The following PNPLA1 variants were observed in gnomAD, a reference collection of about 807,000 sequenced individuals.
PNPLA1 encodes the protein omega-hydroxyceramide transacylase.
In PNPLA1, 36 loss-of-function variants were observed where a neutral mutation model predicts 51.7. The ratio of observed to expected loss-of-function variants is 0.70; its 90% CI spans 0.53 to 0.92. PNPLA1 has a LOEUF of 0.92. PNPLA1 is among the 40% of genes least tolerant of loss of function. The pLI, the probability that PNPLA1 is intolerant of heterozygous loss-of-function variation, is 0.00. For synonymous variants in PNPLA1, 293 were observed against 280.1 expected (o/e 1.05, Z -0.46); for missense variants, 658 against 682.5 (o/e 0.96, Z 0.40).
intron 2 of PNPLA1, 45 bp downstream of exon 2, chr6:36,291,597 G>GGGGGGGGGGGGGGGGGGGGGC: frequency 1.9e-6 from 1 of 532,586 alleles, no homozygotes; most frequent in East Asian, 5.3e-5. Context: ...GGGGGCGGGG[G>GGGGGGGGGGGGGGGGGGGGGC]AGGGCGGCTC....
intron 1 of PNPLA1, among the ~76,000 whole-genome samples, chr6:36,285,483 C>T (rs1770460142): frequency 6.6e-6 from 1 of 152,182 alleles, no homozygotes; most frequent in African/African-American, 2.4e-5. Flanking sequence ...CCCAACTGCC[C>T]GCCTTTCTAT....
chr6:36,255,696 A>G (rs1769518441), intron 1 of PNPLA1, among the ~76,000 whole-genome samples: 2 of 152,220 alleles, frequency 1.3e-5, no homozygotes, highest in South Asian at 4.1e-4. Context: ...TAAAAAAAAA[A>G]AAAAATCTAA....
chr6:36,250,436 C>G (rs749643277), intron 1 of PNPLA1, among the ~76,000 whole-genome samples: 7 of 152,178 alleles, frequency 4.6e-5, no homozygotes, highest in Non-Finnish European at 8.8e-5. Flanking sequence ...AGCAGAGAAA[C>G]CAACCCCAGC....
At chr6:36,269,159 C>T (rs978401823), upstream of PNPLA1, among the ~76,000 whole-genome samples, 1 of 152,298 alleles carries the variant, frequency 6.6e-6, no homozygotes, top group South Asian at 2.1e-4. Flanking sequence ...TCCCCAGAAG[C>T]GGGGAAGCCA....
intron 1 of PNPLA1, among the ~76,000 whole-genome samples, chr6:36,278,576 A>G (rs1770182356): frequency 1.3e-5 from 2 of 152,162 alleles, no homozygotes; most frequent in Non-Finnish European, 2.9e-5. Flanking sequence ...TGGGGAGGAA[A>G]AGCAGGGGAC....
intron 1 of PNPLA1, among the ~76,000 whole-genome samples, chr6:36,273,457 G>A (rs7772573): frequency 0.44 from 66,421 of 151,156 alleles, 15,625 homozygotes; most frequent in African/African-American, 0.61. Flanking sequence ...CAGAATGGGG[G>A]TAGGGTGACA....
intron 1 of PNPLA1, among the ~76,000 whole-genome samples, chr6:36,285,150 T>C (rs1291545924): frequency 1.3e-5 from 2 of 152,174 alleles, no homozygotes; most frequent in Non-Finnish European, 2.9e-5. Context: ...AAATGCAGAT[T>C]ACAATTCAGT....
At chr6:36,246,535 A>G (rs1769288555) in intron 1 of PNPLA1, among the ~76,000 whole-genome samples, 1 of 152,084 alleles carries the variant, frequency 6.6e-6, no homozygotes, top group Non-Finnish European at 1.5e-5. Flanking sequence ...CTATCAATCA[A>G]TTACATTAGT....
At chr6:36,255,474 C>T (rs1477756705) in intron 1 of PNPLA1, among the ~76,000 whole-genome samples, 1 of 152,168 alleles carries the variant, frequency 6.6e-6, no homozygotes, top group South Asian at 2.1e-4. Flanking sequence ...CATTGCACTC[C>T]AGCCTGGGCA....
rs1344860764 is a variant in PNPLA1 at position 36,258,925 on chromosome 6, C to T, written c.-81+15664C>T. 2.0e-5 allele frequency among the ~76,000 whole-genome samples: 3 copies of T among 152,254 alleles called. No individual in the cohort carries two copies. In the East Asian group the frequency reaches 5.8e-4, roughly 29 times the overall value. Reference sequence around the variant, plus strand: ...TTATTTGATTTAGAAGTCCTTTATCCACAGAGATTTGTCAGGACTGGTCTG... The same window carrying T: ...TTATTTGATTTAGAAGTCCTTTATCTACAGAGATTTGTCAGGACTGGTCTG... On this transcript the variant is annotated intron_variant, in intron 1 of 7. Coordinates refer to the PNPLA1 transcript ENST00000312917.
At chr6:36,302,518 T>G in intron 6 of PNPLA1, 49 bp downstream of exon 6, 2 of 1,511,570 alleles carry the variant, frequency 1.3e-6, no homozygotes, top group Non-Finnish European at 1.8e-6. Context: ...TGGAGCCCCT[T>G]GGCAAGCGAG....
chr6:36,260,380 T>C (rs141070955), intron 1 of PNPLA1, among the ~76,000 whole-genome samples: 5 of 152,318 alleles, frequency 3.3e-5, no homozygotes, highest in Admixed American at 3.3e-4. Context: ...GGGGAAAATA[T>C]ATGCCTTAGG....
intron 1 of PNPLA1, among the ~76,000 whole-genome samples, chr6:36,284,651 A>T (rs1388963451): frequency 6.6e-6 from 1 of 152,006 alleles, no homozygotes; most frequent in African/African-American, 2.4e-5. Context: ...AAGATTTCTT[A>T]CCTGTAAAAT....
At chr6:36,286,872 A>G (rs1438415844) in intron 1 of PNPLA1, among the ~76,000 whole-genome samples, 7 of 150,306 alleles carry the variant, frequency 4.7e-5, no homozygotes, top group Non-Finnish European at 8.9e-5. Flanking sequence ...TTTTGTAGAG[A>G]CAGGGGTCTT....
rs770987382 is a variant in PNPLA1 at position 36,307,609 on chromosome 6, A to G, written c.1492A>G (p.Asn498Asp). The G allele has an allele frequency of 2.4e-5, 38 of 1,613,578 alleles. No homozygotes were observed. Among genetic ancestry groups the G allele is most frequent in the Non-Finnish European group, 3.1e-5 (36 of 1,179,860 alleles). The change falls in exon 8 of 9, where the codon AAC becomes GAC. Residue 498 changes from asparagine (N) to aspartate (D), a missense_variant. Coordinates refer to ENST00000636260, the MANE Select transcript of PNPLA1 (RefSeq NM_001374623.1). ...YVTESPAEDS[N>D]WVNKVFKKNK... ...TAGGGAGAGCCCTGCTGAAGACTCA[A>G]ACTGGGTGAATAAGGTCTTCAAGAA...
At chr6:36,298,939 A>G (rs1770939621) in intron 5 of PNPLA1, among the ~76,000 whole-genome samples, 2 of 152,282 alleles carry the variant, frequency 1.3e-5, no homozygotes, top group South Asian at 4.1e-4. Flanking sequence ...GGGTTTCACC[A>G]TGTTGGCCAG....
intron 1 of PNPLA1, among the ~76,000 whole-genome samples, chr6:36,257,207 T>C (rs1422669034): frequency 1.3e-5 from 2 of 152,190 alleles, no homozygotes; most frequent in Non-Finnish European, 2.9e-5. Flanking sequence ...TACTCTCAGT[T>C]TGAAGTCCAA....
intron 1 of PNPLA1, among the ~76,000 whole-genome samples, chr6:36,260,887 C>T (rs1769632748): frequency 6.6e-6 from 1 of 152,128 alleles, no homozygotes; most frequent in Non-Finnish European, 1.5e-5. Flanking sequence ...GCAGTGGTGC[C>T]ATCACAGCAC....
chr6:36,255,303 G>A (rs979424302), intron 1 of PNPLA1, among the ~76,000 whole-genome samples: 1 of 152,070 alleles, frequency 6.6e-6, no homozygotes, highest in South Asian at 2.1e-4. Context: ...TTGGGAGTTC[G>A]AGACCAGCCT....
Sources: gnomAD v4.1 joint callset for allele counts (sites outside exome capture counted in the v4.1 genomes callset) on GRCh38, gnomAD v4.1.1 for gene constraint, MANE v1.5 for transcripts, NCBI Gene and HGNC (gene_info 2026-07-23, HGNC 2026-07-21) for gene names.